Variants in LSAMP observed in about 807,000 individuals in gnomAD.
LSAMP encodes limbic system-associated membrane protein.
A neutral mutation model predicts 38.6 loss-of-function variants in LSAMP; 7 were observed. The ratio of observed to expected loss-of-function variants is 0.18; its 90% CI spans 0.10 to 0.34. The LOEUF is 0.34. LSAMP is among the 10% of genes least tolerant of loss of function. LSAMP has a pLI of 1.00. For synonymous variants in LSAMP, 154 were observed against 166.8 expected (o/e 0.92, Z 0.59); for missense variants, 313 against 420.0 (o/e 0.75, Z 2.23).
chr3:116,097,746 T>C (rs543379832), intron 1 of LSAMP, among the ~76,000 whole-genome samples: 3 of 152,110 alleles, frequency 2.0e-5, no homozygotes, highest in Non-Finnish European at 4.4e-5. Context: ...TTTTTTTTTT[T>C]TTCTTTTAGA....
intron 2 of LSAMP, among the ~76,000 whole-genome samples, chr3:116,064,880 C>T (rs568512559): frequency 2.6e-5 from 4 of 152,148 alleles, no homozygotes; most frequent in Non-Finnish European, 5.9e-5. Flanking sequence ...GACCTTAGAA[C>T]CTATGGTCTT....
intron 3 of LSAMP, among the ~76,000 whole-genome samples, chr3:115,902,412 AAT>A (rs1936898876): frequency 6.6e-6 from 1 of 152,160 alleles, no homozygotes; most frequent in African/African-American, 2.4e-5. Context: ...CAACCTATGC[AAT>A]ACCATTCTAG....
At position 115,961,447 on chromosome 3, in the gene LSAMP, GT is replaced by G. The variant is rs942209165; in HGVS notation, c.514+58067del. 1.5e-4 allele frequency among the ~76,000 whole-genome samples: 23 copies of G among 152,296 alleles called. 1 individual carries two copies. In the East Asian group the frequency reaches 3.7e-3, roughly 24 times the overall value. Reference sequence around the variant, plus strand: ...GCAAGAAGCACGAAGAAAAGCATAAGTTTTTGTGTTTGTTTTTTTCCCCTCT... The same window carrying G: ...GCAAGAAGCACGAAGAAAAGCATAAGTTTTGTGTTTGTTTTTTTCCCCTCT... On this transcript the variant is annotated intron_variant, in intron 3 of 6. Coordinates refer to ENST00000490035, the MANE Select transcript of LSAMP (RefSeq NM_002338.5).
chr3:116,351,316 T>G (rs7634137), intron 1 of LSAMP, among the ~76,000 whole-genome samples: 1 of 151,736 alleles, frequency 6.6e-6, no homozygotes, highest in African/African-American at 2.4e-5. Context: ...TGCCATTAAA[T>G]AGGAAAATGA....
intron 1 of LSAMP, among the ~76,000 whole-genome samples, chr3:116,110,107 G>C (rs35225274): frequency 0.013 from 2,050 of 152,112 alleles, 16 homozygotes; most frequent in Non-Finnish European, 0.023. Flanking sequence ...TGCTGCTAAG[G>C]GTGAAGGAGA....
intron 1 of LSAMP, among the ~76,000 whole-genome samples, chr3:116,356,835 C>A (rs1240268641): frequency 4.6e-5 from 7 of 151,946 alleles, no homozygotes; most frequent in Non-Finnish European, 8.8e-5. Context: ...GCTCTGTGGC[C>A]CAGGCTGGAG....
intron 1 of LSAMP, among the ~76,000 whole-genome samples, chr3:116,221,703 C>T (rs1001493666): frequency 2.0e-5 from 3 of 152,308 alleles, no homozygotes; most frequent in African/African-American, 4.8e-5. Context: ...TTCTGATTAA[C>T]GCACCAGTGA....
chr3:115,918,087 G>C (rs1320949572), intron 3 of LSAMP, among the ~76,000 whole-genome samples: 1 of 152,116 alleles, frequency 6.6e-6, no homozygotes, highest in African/African-American at 2.4e-5. Context: ...TTTATCTACT[G>C]ACCTCTCTGG....
intron 2 of LSAMP, among the ~76,000 whole-genome samples, chr3:116,072,752 G>GTT (rs36091421): frequency 0.13 from 14,439 of 112,150 alleles, 1,245 homozygotes; most frequent in Admixed American, 0.18. Context: ...GTTGTTTGTG[G>GTT]TTTTTTTTTT....
intron 1 of LSAMP, among the ~76,000 whole-genome samples, chr3:116,407,223 A>C (rs2048908736): frequency 6.6e-6 from 1 of 152,026 alleles, no homozygotes; most frequent in South Asian, 2.1e-4. Context: ...CCTATAATAT[A>C]TATACAGGTG....
intron 3 of LSAMP, among the ~76,000 whole-genome samples, chr3:116,017,530 C>G (rs932987111): frequency 2.6e-5 from 4 of 152,004 alleles, no homozygotes; most frequent in Non-Finnish European, 5.9e-5. Context: ...CTGAAATGGA[C>G]TTGATCCCAT....
chr3:115,884,505 G>T (rs1342350267), intron 3 of LSAMP, among the ~76,000 whole-genome samples: 6 of 152,000 alleles, frequency 3.9e-5, no homozygotes. Context: ...TGTTGGATTG[G>T]CAATTAGTAA....
At chr3:115,949,509 G>A (rs1938213690) in intron 3 of LSAMP, among the ~76,000 whole-genome samples, 1 of 146,276 alleles carries the variant, frequency 6.8e-6, no homozygotes, top group Non-Finnish European at 1.5e-5. Context: ...GAAATATACA[G>A]CCCTCCTAGA....
chr3:115,878,453 C>CTTT (rs3087024), intron 3 of LSAMP, among the ~76,000 whole-genome samples: 6 of 55,514 alleles, frequency 1.1e-4, no homozygotes, highest in East Asian at 6.4e-4. Context: ...ACATGCTATT[C>CTTT]TTTTTTTTTT....
intron 3 of LSAMP, among the ~76,000 whole-genome samples, chr3:116,015,469 G>A (rs1940452474): frequency 6.6e-6 from 1 of 152,032 alleles, no homozygotes; most frequent in African/African-American, 2.4e-5. Flanking sequence ...GGGAGTCACA[G>A]GATTATGAAA....
chr3:116,019,675 T>C, intron 2 of LSAMP, 35 bp from the exon 3 acceptor site: 1 of 1,602,684 alleles, frequency 6.2e-7, no homozygotes, highest in Non-Finnish European at 8.5e-7. Context: ...TATGTAACCA[T>C]GTCAGTAAGA....
chr3:116,289,091 A>C lies in LSAMP; in HGVS notation c.155+155786T>G, dbSNP rs558866076. 3.3e-5 allele frequency among the ~76,000 whole-genome samples: 5 copies of C among 152,306 alleles called. No individual in the cohort carries two copies. In the South Asian group the frequency reaches 1.0e-3, roughly 32 times the overall value. The stretch of plus-strand genomic sequence containing the variant: ...GTTTTGTTTATTTATCATGTTTTAT[A>C]AAATTTCATGAGAGAAACAATCAGT... On this transcript the variant is annotated intron_variant, in intron 1 of 6. Transcript: ENST00000490035.
At chr3:115,833,776 G>C (rs1301099132) in intron 6 of LSAMP, among the ~76,000 whole-genome samples, 1 of 112,080 alleles carries the variant, frequency 8.9e-6, no homozygotes, top group Non-Finnish European at 1.8e-5. Context: ...TCAGGTCTTT[G>C]AGTCTATTTG....
chr3:116,091,713 G>A (rs1708127960), intron 1 of LSAMP, among the ~76,000 whole-genome samples: 1 of 152,160 alleles, frequency 6.6e-6, no homozygotes, highest in Non-Finnish European at 1.5e-5. Context: ...TCAAAAACCT[G>A]TTAGTGTTAT....
Sources: gnomAD v4.1 joint callset for allele counts (sites outside exome capture counted in the v4.1 genomes callset) on GRCh38, gnomAD v4.1.1 for gene constraint, MANE v1.5 for transcripts, NCBI Gene and HGNC (gene_info 2026-07-23, HGNC 2026-07-21) for gene names.